Variants in NBAS observed in about 807,000 individuals in gnomAD.
NBAS encodes the protein NBAS subunit of NRZ tethering complex.
A neutral mutation model predicts 302.5 loss-of-function variants in NBAS; 219 were observed. The ratio of observed to expected loss-of-function variants is 0.72; its 90% CI spans 0.65 to 0.81. NBAS has a LOEUF of 0.81. Ranked by LOEUF, NBAS falls within the 30% of genes least tolerant of loss-of-function variation. NBAS has a pLI of 0.00. For missense variants in NBAS, 2,932 were observed against 2,841.6 expected, an observed-to-expected ratio of 1.03 and a Z score of -0.72; for synonymous variants, 1,118 against 1,021.6, an observed-to-expected ratio of 1.09 and a Z score of -1.80.
the NBAS span, among the ~76,000 whole-genome samples, chr2:15,038,886 C>G: frequency 2.0e-5 from 3 of 152,158 alleles, no homozygotes; most frequent in African/African-American, 4.8e-5. Context: ...ATTACAGATA[C>G]AATGTCTTCT....
At chr2:15,223,620 G>A (rs1667041378) in intron 47 of NBAS, among the ~76,000 whole-genome samples, 1 of 151,962 alleles carries the variant, frequency 6.6e-6, no homozygotes, top group African/African-American at 2.4e-5. Flanking sequence ...CACAAGGTCT[G>A]GAGATCGAGA....
At chr2:15,125,233 G>T in the NBAS span, among the ~76,000 whole-genome samples, 51 of 152,316 alleles carry the variant, frequency 3.3e-4, no homozygotes, top group African/African-American at 1.2e-3. Flanking sequence ...AAGAAAAGAA[G>T]TTTAATTGGC....
the NBAS span, among the ~76,000 whole-genome samples, chr2:15,151,631 T>C: frequency 2.0e-4 from 31 of 152,310 alleles, no homozygotes; most frequent in African/African-American, 7.0e-4. Flanking sequence ...GAAAAATAGG[T>C]CTGGTATCGT....
the NBAS span, among the ~76,000 whole-genome samples, chr2:15,030,204 CA>C: frequency 1.7e-4 from 25 of 149,606 alleles, no homozygotes; most frequent in East Asian, 2.0e-4. Context: ...TATTTTCCCA[CA>C]AAAAAAAATA....
chr2:15,485,822 T>C (rs1415600901), intron 12 of NBAS, among the ~76,000 whole-genome samples: 3 of 151,982 alleles, frequency 2.0e-5, no homozygotes, highest in Middle Eastern at 3.4e-3. Flanking sequence ...ATCTAGGAAG[T>C]AGAGCAAAGC....
At chr2:15,240,115 T>G (rs553398763) in intron 44 of NBAS, among the ~76,000 whole-genome samples, 18 of 152,290 alleles carry the variant, frequency 1.2e-4, no homozygotes, top group Non-Finnish European at 2.6e-4. Context: ...TTGATTTTTT[T>G]GTTTTAATAA....
At chr2:15,394,391 C>G (rs1558300101) in intron 27 of NBAS, 42 bp from the exon 28 acceptor site, 12 of 1,603,316 alleles carry the variant, frequency 7.5e-6, no homozygotes, top group Non-Finnish European at 1.0e-5. Flanking sequence ...TGCTACCAAA[C>G]AAAAAGAGTC....
chr2:14,780,661 G>T, the NBAS span, among the ~76,000 whole-genome samples: 1,047 of 152,272 alleles, frequency 6.9e-3, 9 homozygotes, highest in African/African-American at 0.022. Flanking sequence ...GAACCATTCT[G>T]TTTTTGTCTC....
intron 44 of NBAS, among the ~76,000 whole-genome samples, chr2:15,261,429 C>T (rs1053604228): frequency 5.3e-5 from 8 of 152,196 alleles, no homozygotes; most frequent in African/African-American, 1.9e-4. Flanking sequence ...CAAAAATAAT[C>T]ATACCTGTCT....
intron 16 of NBAS, among the ~76,000 whole-genome samples, chr2:15,470,961 T>TCAAAA (rs1261321491): frequency 6.6e-6 from 1 of 151,852 alleles, no homozygotes; most frequent in African/African-American, 2.4e-5. Flanking sequence ...AAACTCCATC[T>TCAAAA]CAAAACAAAA....
chr2:14,784,761 C>T, the NBAS span, among the ~76,000 whole-genome samples: 1 of 152,166 alleles, frequency 6.6e-6, no homozygotes, highest in African/African-American at 2.4e-5. Flanking sequence ...ATGATGCCTC[C>T]AGCTTTGTTC....
rs548793467 is a variant in NBAS, at chr2:15,387,578, A to C, written c.3258-4261T>G. 4.2e-3 allele frequency among the ~76,000 whole-genome samples: 637 copies of C among 152,328 alleles called. 11 individuals are homozygous for C. The highest frequency in any genetic ancestry group is 3.4e-3 in the Middle Eastern group (1 of 294). ...TATTCCTTTGAAATGAGTAGCTAAA[A>C]ATTATCAGTGTTTTAAGCAACACAT... On this transcript the variant is annotated intron_variant, in intron 28 of 51. Transcript: ENST00000281513.
chr2:15,101,040 TG>T, the NBAS span, among the ~76,000 whole-genome samples: 1 of 152,194 alleles, frequency 6.6e-6, no homozygotes, highest in Admixed American at 6.5e-5. Context: ...TTTGCATAAT[TG>T]GTGAATGGCA....
intron 22 of NBAS, among the ~76,000 whole-genome samples, chr2:15,427,260 A>T (rs192211069): frequency 6.6e-6 from 1 of 152,148 alleles, no homozygotes; most frequent in East Asian, 1.9e-4. Flanking sequence ...AAGGCATTCC[A>T]ATATTCCTCA....
chr2:15,519,208 T>C (rs1028138424), intron 9 of NBAS, among the ~76,000 whole-genome samples: 1 of 152,188 alleles, frequency 6.6e-6, no homozygotes, highest in African/African-American at 2.4e-5. Context: ...GCTAAGCCAC[T>C]GAAGAAACAT....
chr2:15,208,441 C>A (rs1320681531), intron 48 of NBAS, among the ~76,000 whole-genome samples: 1 of 152,078 alleles, frequency 6.6e-6, no homozygotes, highest in Non-Finnish European at 1.5e-5. Context: ...TATCAGGCCC[C>A]AATACATAAT....
intron 47 of NBAS, among the ~76,000 whole-genome samples, chr2:15,224,815 T>A (rs1386878291): frequency 6.6e-6 from 1 of 152,142 alleles, no homozygotes; most frequent in Non-Finnish European, 1.5e-5. Context: ...TCCATGTAGG[T>A]CCCGTGCCTC....
At chr2:14,794,323 G>A in the NBAS span, among the ~76,000 whole-genome samples, 4 of 151,970 alleles carry the variant, frequency 2.6e-5, no homozygotes, top group South Asian at 2.1e-4. Flanking sequence ...TTCAATTGAC[G>A]GTATATTTGA....
In NBAS at chr2:15,474,229, T is replaced by C; in HGVS notation, c.1437A>G (p.Ile479Met). Reference sequence around the variant, plus strand: ...AACCAAAGTAGCGAGCCTTGGCAGATATTTCATAATCAGAATCAGAATCCT... The same window carrying C: ...AACCAAAGTAGCGAGCCTTGGCAGACATTTCATAATCAGAATCAGAATCCT... Reference protein sequence around the residue: ...GEEDSDSDYEISAKARYFGYI... With the variant: ...GEEDSDSDYEMSAKARYFGYI... Residue 479 changes from isoleucine (I) to methionine (M), a missense_variant, in exon 15 of 52, where the codon ATA becomes ATG. By Grantham distance (10) the Ile-to-Met change is conservative. Transcript: ENST00000281513. 1 of 1,614,132 alleles carries C rather than the reference T, an allele frequency of 6.2e-7. No homozygotes were observed.
Sources: gnomAD v4.1 joint callset for allele counts (sites outside exome capture counted in the v4.1 genomes callset) on GRCh38, gnomAD v4.1.1 for gene constraint, MANE v1.5 for transcripts, NCBI Gene and HGNC (gene_info 2026-07-23, HGNC 2026-07-21) for gene names.